MME: variants seen among roughly 807,000 people sequenced by gnomAD.
MME encodes the protein neprilysin.
In MME, 98 loss-of-function variants were observed where a neutral mutation model predicts 113.2. The ratio of observed to expected loss-of-function variants is 0.87; its 90% CI spans 0.74 to 1.02. The LOEUF (loss-of-function observed/expected upper bound fraction) is 1.02. MME is among the 50% of genes least tolerant of loss of function. The pLI, the probability that MME is intolerant of heterozygous loss-of-function variation, is 0.00. For missense variants in MME, 836 were observed against 896.0 expected, an observed-to-expected ratio of 0.93 and a Z score of 0.86; for synonymous variants, 292 against 300.6, an observed-to-expected ratio of 0.97 and a Z score of 0.30.
intron 8 of MME, among the ~76,000 whole-genome samples, chr3:155,127,557 A>C (rs891070189): frequency 1.3e-5 from 2 of 152,234 alleles, no homozygotes; most frequent in Non-Finnish European, 2.9e-5. Context: ...GTGTCTTGTT[A>C]AAACTTGGTT....
chr3:155,139,558 G>A (rs1331289758), intron 9 of MME, among the ~76,000 whole-genome samples: 1 of 152,064 alleles, frequency 6.6e-6, no homozygotes, highest in African/African-American at 2.4e-5. Context: ...CCACTAGTTG[G>A]GGAGTTGTTA....
At chr3:155,075,423 G>A (rs866150402), upstream of MME, among the ~76,000 whole-genome samples, 3 of 151,996 alleles carry the variant, frequency 2.0e-5, no homozygotes, top group Admixed American at 2.0e-4. Context: ...TATATTTATT[G>A]CAATTAATAT....
Position 155,138,279 on chromosome 3 carries a change from C to G in MME, c.855+43C>G, listed in dbSNP as rs199648614. The G allele has an allele frequency of 9.4e-6, 15 of 1,595,890 alleles. No homozygotes were observed. The East Asian group carries it at 3.4e-4, about 36-fold the overall frequency. On this transcript the variant is annotated intron_variant, in intron 9 of 22. Coordinates refer to ENST00000360490, the MANE Select transcript of MME (RefSeq NM_007289.4). Reference sequence around the variant, plus strand: ...TTCTGATACACTGAATAATGTCAACCGCTTTTTTTCTTTCCCCTCTCTATC... The same window carrying G: ...TTCTGATACACTGAATAATGTCAACGGCTTTTTTTCTTTCCCCTCTCTATC...
At chr3:155,056,415 G>A (rs1435791740) in intron 1 of MME, among the ~76,000 whole-genome samples, 1 of 150,176 alleles carries the variant, frequency 6.7e-6, no homozygotes, top group Non-Finnish European at 1.5e-5. Flanking sequence ...ACCTATGAGT[G>A]AGAATATGCA....
chr3:155,172,066 T>G, intron 20 of MME, 51 bp from the exon 21 acceptor site: 1 of 1,081,886 alleles, frequency 9.2e-7, no homozygotes, highest in Non-Finnish European at 1.4e-6. Context: ...TAGGTTTATA[T>G]ATAACCTTAG....
intron 1 of MME, among the ~76,000 whole-genome samples, chr3:155,061,867 G>A (rs1194745231): frequency 6.6e-6 from 1 of 151,960 alleles, no homozygotes; most frequent in Non-Finnish European, 1.5e-5. Context: ...TGCCGTGTTG[G>A]CCAGGCTGGT....
chr3:155,139,607 T>C (rs919423406), intron 9 of MME, among the ~76,000 whole-genome samples: 5 of 152,184 alleles, frequency 3.3e-5, no homozygotes, highest in Admixed American at 1.3e-4. Flanking sequence ...AGAAATAAAA[T>C]TGGATGCTGC....
intron 8 of MME, among the ~76,000 whole-genome samples, chr3:155,133,060 A>T (rs868390313): frequency 0.021 from 1,892 of 89,260 alleles, 25 homozygotes; most frequent in East Asian, 0.079. Context: ...AAAAAAAAAA[A>T]AAATATATAT....
At chr3:155,137,194 C>T (rs575032055) in intron 8 of MME, among the ~76,000 whole-genome samples, 19 of 151,994 alleles carry the variant, frequency 1.3e-4, no homozygotes, top group African/African-American at 3.9e-4. Flanking sequence ...TCTATGGTAT[C>T]GTATAGTGAA....
chr3:155,061,243 G>A (rs1220800273), intron 1 of MME, among the ~76,000 whole-genome samples: 1 of 152,206 alleles, frequency 6.6e-6, no homozygotes, highest in Non-Finnish European at 1.5e-5. Flanking sequence ...ACGAGGTCTG[G>A]AGATAGAGAC....
At chr3:155,028,308 G>A (rs1712853581) in intron 1 of MME, among the ~76,000 whole-genome samples, 1 of 152,184 alleles carries the variant, frequency 6.6e-6, no homozygotes, top group African/African-American at 2.4e-5. Context: ...ATTAGAAATG[G>A]GGAATACATG....
At position 155,151,851 on chromosome 3, in the gene MME, T is replaced by C. The variant is rs555452737; in HGVS notation, c.1601+3198T>C. ...GGGGATCTCTAGCTCACCATTCCCA[T>C]GGTCACTTCTGTAATTCAGACATTT... On this transcript the variant is annotated intron_variant, in intron 16 of 22. Coordinates refer to ENST00000360490, the MANE Select transcript of MME (RefSeq NM_007289.4). Among the ~76,000 whole-genome samples the C allele has an allele frequency of 6.6e-5, 10 of 152,152 alleles. No individual in the cohort carries two copies. The South Asian group carries it at 2.1e-3, about 32-fold the overall frequency.
chr3:155,152,627 G>A (rs138038305), intron 16 of MME, among the ~76,000 whole-genome samples: 3,161 of 152,192 alleles, frequency 0.021, 65 homozygotes, highest in East Asian at 0.11. Context: ...GATCACTTGA[G>A]GTCAGGAGTT....
chr3:155,095,476 C>T (rs868232846), intron 3 of MME, among the ~76,000 whole-genome samples: 5 of 152,300 alleles, frequency 3.3e-5, no homozygotes, highest in South Asian at 2.1e-4. Flanking sequence ...TCTGTAGAGA[C>T]ATTAGAACAA....
At chr3:155,061,069 T>A (rs1022678278) in intron 1 of MME, among the ~76,000 whole-genome samples, 1 of 152,300 alleles carries the variant, frequency 6.6e-6, no homozygotes, top group East Asian at 1.9e-4. Flanking sequence ...TCTAAATCTT[T>A]CAGAACTTTG....
Position 155,098,510 on chromosome 3 carries a change from C to T in MME, c.196+13416C>T, listed in dbSNP as rs528877192. ...GGTGGAGGTTGCAATGAGCCAAGAT[C>T]GCACCACTGCACTCCGGCCTGGGCG... is the stretch of plus-strand genomic sequence containing the variant. On this transcript the variant is annotated intron_variant, in intron 3 of 22. Coordinates refer to ENST00000360490, the MANE Select transcript of MME (RefSeq NM_007289.4). Among the ~76,000 whole-genome samples, 36 of 151,532 alleles carry T rather than the reference C, an allele frequency of 2.4e-4. No individual in the cohort carries two copies. In the East Asian group the frequency reaches 4.9e-3, roughly 20 times the overall value.
chr3:155,057,355 A>G (rs984334989), intron 1 of MME, among the ~76,000 whole-genome samples: 14 of 139,198 alleles, frequency 1.0e-4, no homozygotes, highest in African/African-American at 3.5e-4. Context: ...AATGCTCATC[A>G]TCACTGGCCA....
rs71155031 is a variant in MME at position 155,072,167 on chromosome 3, CAAAAAAAAA to C, written c.-10-11974_-10-11966del. On this transcript the variant is annotated intron_variant, in intron 1 of 22. Transcript: ENST00000492661. ...TGGGCGACAGAGCGAGACTCCGTCTCAAAAAAAAAAAAAAAAAAAAAAAAAGAATCACTG... is the reference window on the plus strand; with the variant it reads ...TGGGCGACAGAGCGAGACTCCGTCTCAAAAAAAAAAAAAAAAGAATCACTG... Among the ~76,000 whole-genome samples, 15 of 65,070 alleles carry C rather than the reference CAAAAAAAAA, an allele frequency of 2.3e-4. 1 individual carries two copies. The highest frequency in any genetic ancestry group is 9.3e-4 in the African/African-American group (13 of 14,016). 42.7% of individuals were successfully genotyped at this position (65,070 alleles called of 152,430 possible). A position where few individuals can be genotyped will look rare whatever the true frequency, so the allele number is the denominator to read the frequency against.
At chr3:155,108,254 TC>T (rs1387160971) in intron 3 of MME, among the ~76,000 whole-genome samples, 1 of 152,092 alleles carries the variant, frequency 6.6e-6, no homozygotes, top group East Asian at 1.9e-4. Flanking sequence ...GTGAAATAAT[TC>T]ATATGGGAAA....
Sources: gnomAD v4.1 joint callset for allele counts (sites outside exome capture counted in the v4.1 genomes callset) on GRCh38, gnomAD v4.1.1 for gene constraint, MANE v1.5 for transcripts, NCBI Gene and HGNC (gene_info 2026-07-23, HGNC 2026-07-21) for gene names.